Variants in CYFIP1 observed in about 807,000 individuals in gnomAD.
CYFIP1 encodes the protein cytoplasmic FMR1 interacting protein 1.
In CYFIP1, 58 loss-of-function variants were observed where a neutral mutation model predicts 163.5. That is an observed-to-expected ratio of 0.35 (90% confidence interval 0.29 to 0.44). The LOEUF (loss-of-function observed/expected upper bound fraction) is 0.44, where lower values mean the gene tolerates loss of function less well. Ranked by LOEUF, CYFIP1 falls within the 20% of genes least tolerant of loss-of-function variation. CYFIP1 has a pLI of 1.00. For synonymous variants in CYFIP1, 663 were observed against 660.7 expected (o/e 1.00, Z -0.05); for missense variants, 1,338 against 1,653.8 (o/e 0.81, Z 3.31).
intron 1 of CYFIP1, among the ~76,000 whole-genome samples, chr15:22,957,985 G>A (rs910426758): frequency 6.6e-6 from 1 of 152,152 alleles, no homozygotes; most frequent in Non-Finnish European, 1.5e-5. Context: ...TAAACGGCCT[G>A]ACCGCACGGC....
intron 1 of CYFIP1, among the ~76,000 whole-genome samples, chr15:22,953,048 A>AC (rs1431397429): frequency 6.6e-6 from 1 of 152,236 alleles, no homozygotes; most frequent in East Asian, 1.9e-4. Flanking sequence ...CCGCACGCAC[A>AC]CGGCCTGGGC....
At chr15:22,908,348 T>G (rs562687250) in intron 21 of CYFIP1, among the ~76,000 whole-genome samples, 1 of 151,612 alleles carries the variant, frequency 6.6e-6, no homozygotes, top group Non-Finnish European at 1.5e-5. Context: ...GCGGGGAACG[T>G]TGGCCCCGAA....
rs78850281 is a variant in CYFIP1, at chr15:22,969,293, G to C, written c.-7+10994C>G. 5.7e-4 allele frequency among the ~76,000 whole-genome samples: 87 copies of C among 152,240 alleles called. No individual in the cohort carries two copies. The East Asian group carries it at 0.016, about 28-fold the overall frequency. ...GACATCACCTCTGCCCCCATGGAGG[G>C]CCAAGCCACAGCCCACGGCATGGGC... On this transcript the variant is annotated intron_variant, in intron 1 of 30. Transcript: ENST00000617928.
intron 28 of CYFIP1, among the ~76,000 whole-genome samples, 157 bp from the exon 29 acceptor site, chr15:22,873,886 G>T (rs2059506064): frequency 6.6e-6 from 1 of 152,202 alleles, no homozygotes; most frequent in South Asian, 2.1e-4. Context: ...TGACTTCCCA[G>T]GCTCAAGCGA....
At chr15:22,910,939 T>C in intron 18 of CYFIP1, 126 bp from the exon 19 acceptor site, 2 of 806,934 alleles carry the variant, frequency 2.5e-6, no homozygotes, top group Non-Finnish European at 4.1e-6. Context: ...AGACGGAGTC[T>C]TGCTCTGTTG....
At chr15:22,958,097 CTTT>C (rs57822590) in intron 1 of CYFIP1, among the ~76,000 whole-genome samples, 4 of 141,326 alleles carry the variant, frequency 2.8e-5, no homozygotes, top group Admixed American at 7.2e-5. Flanking sequence ...AAGTAATTTG[CTTT>C]TTTTTTTTTT....
rs779762421 is a variant in CYFIP1 at position 22,958,274 on chromosome 15, C to T, written c.-6-10983G>A. On this transcript the variant is annotated intron_variant, in intron 1 of 30. Transcript: ENST00000617928. ...CTAATTTTTGTATTTCTAATAGAGACGGGGTTTCACCATGTTGGTCAGGCT... is the reference window on the plus strand; with the variant it reads ...CTAATTTTTGTATTTCTAATAGAGATGGGGTTTCACCATGTTGGTCAGGCT... Among the ~76,000 whole-genome samples the T allele has an allele frequency of 1.7e-3, 251 of 152,030 alleles. 9 individuals are homozygous for T. Among genetic ancestry groups the T allele is most frequent in the Non-Finnish European group, 4.4e-4 (30 of 67,992 alleles).
chr15:22,877,664 C>T (rs1020694422), intron 26 of CYFIP1, among the ~76,000 whole-genome samples: 2 of 152,226 alleles, frequency 1.3e-5, no homozygotes, highest in African/African-American at 4.8e-5. Flanking sequence ...GTGGGTTCTC[C>T]ATCTTGTACC....
At chr15:22,940,256 A>G (rs1190421955) in intron 6 of CYFIP1, among the ~76,000 whole-genome samples, 1 of 152,146 alleles carries the variant, frequency 6.6e-6, no homozygotes, top group Non-Finnish European at 1.5e-5. Context: ...GATAACCTAC[A>G]CCAACATTCA....
intron 1 of CYFIP1, among the ~76,000 whole-genome samples, chr15:22,954,616 C>T (rs1049938554): frequency 2.0e-5 from 3 of 152,172 alleles, no homozygotes; most frequent in Non-Finnish European, 4.4e-5. Flanking sequence ...TGCCCACCCT[C>T]GGTTTATGTC....
chr15:22,934,744 C>A (rs970886929), intron 9 of CYFIP1, among the ~76,000 whole-genome samples: 4 of 151,756 alleles, frequency 2.6e-5, no homozygotes, highest in Non-Finnish European at 4.4e-5. Flanking sequence ...GTGATCCACC[C>A]GCCTCGGCCT....
intron 22 of CYFIP1, among the ~76,000 whole-genome samples, chr15:22,902,953 G>A (rs1414037343): frequency 6.6e-6 from 1 of 152,224 alleles, no homozygotes; most frequent in Non-Finnish European, 1.5e-5. Flanking sequence ...GGGCCTACAA[G>A]TCAGTAAGAA....
At chr15:22,901,713 G>A (rs1325612433) in intron 22 of CYFIP1, among the ~76,000 whole-genome samples, 1 of 152,224 alleles carries the variant, frequency 6.6e-6, no homozygotes, top group African/African-American at 2.4e-5. Context: ...GCAAAGTCCT[G>A]GCTTGTGCCA....
chr15:22,920,455 G>A (rs1244332578), intron 13 of CYFIP1, among the ~76,000 whole-genome samples: 1 of 152,092 alleles, frequency 6.6e-6, no homozygotes, highest in Admixed American at 6.6e-5. Context: ...CACCTTTTGA[G>A]TTCCTCATTA....
intron 17 of CYFIP1, among the ~76,000 whole-genome samples, chr15:22,913,986 C>T (rs1343308938): frequency 3.9e-5 from 6 of 152,204 alleles, no homozygotes; most frequent in Non-Finnish European, 7.3e-5. Flanking sequence ...ACCGGCTGGG[C>T]GGCTCCCCAG....
At chr15:22,962,415 T>TTTTA (rs2062715809) in intron 1 of CYFIP1, among the ~76,000 whole-genome samples, 1 of 151,464 alleles carries the variant, frequency 6.6e-6, no homozygotes, top group Non-Finnish European at 1.5e-5. Context: ...TTTTTTTTCT[T>TTTTA]GAGACGGAGT....
At chr15:22,872,998 T>C in intron 29 of CYFIP1, 26 bp from the exon 30 acceptor site, 2 of 1,612,108 alleles carry the variant, frequency 1.2e-6, no homozygotes, top group Non-Finnish European at 1.7e-6. Context: ...AGAAACAGAA[T>C]GGGAGATGAG....
At chr15:22,972,242 C>G (rs28827821) in intron 1 of CYFIP1, among the ~76,000 whole-genome samples, 1 of 152,036 alleles carries the variant, frequency 6.6e-6, no homozygotes, top group African/African-American at 2.4e-5. Flanking sequence ...TCGAGACCAG[C>G]CTGGCCAACA....
intron 5 of CYFIP1, among the ~76,000 whole-genome samples, chr15:22,943,927 A>G (rs1314201601): frequency 6.6e-6 from 1 of 152,172 alleles, no homozygotes; most frequent in East Asian, 1.9e-4. Flanking sequence ...AAAATACCTG[A>G]AAGAGCAGAC....
Sources: gnomAD v4.1 joint callset for allele counts (sites outside exome capture counted in the v4.1 genomes callset) on GRCh38, gnomAD v4.1.1 for gene constraint, MANE v1.5 for transcripts, NCBI Gene and HGNC (gene_info 2026-07-23, HGNC 2026-07-21) for gene names.